Variants in ASTN2 observed in about 807,000 individuals in gnomAD.
ASTN2 encodes the protein astrotactin-2.
A neutral mutation model predicts 139.8 loss-of-function variants in ASTN2; 54 were observed. The observed-to-expected ratio is 0.39, with a 90% CI of 0.31 to 0.48. The LOEUF (loss-of-function observed/expected upper bound fraction) is 0.48. ASTN2 is among the 20% of genes least tolerant of loss of function. The probability of loss-of-function intolerance (pLI) is 0.95; values close to 1 mark genes in which losing one functional copy is unlikely to be tolerated. For missense variants in ASTN2, 1,565 were observed against 1,725.1 expected, an observed-to-expected ratio of 0.91 and a Z score of 1.64; for synonymous variants, 756 against 719.5, an observed-to-expected ratio of 1.05 and a Z score of -0.81.
intron 4 of ASTN2, among the ~76,000 whole-genome samples, chr9:117,109,250 C>G (rs1227643177): frequency 6.6e-6 from 1 of 151,792 alleles, no homozygotes; most frequent in Non-Finnish European, 1.5e-5. Context: ...CCACTGCACT[C>G]CAGCCTGGGC....
intron 16 of ASTN2, among the ~76,000 whole-genome samples, chr9:116,716,033 AG>A (rs1828304933): frequency 6.6e-6 from 1 of 152,164 alleles, no homozygotes; most frequent in Non-Finnish European, 1.5e-5. Flanking sequence ...AGATAGCAAA[AG>A]CTCCACATTC....
At chr9:116,610,811 A>G (rs1286040458) in intron 19 of ASTN2, 1 of 152,168 alleles carries the variant, frequency 6.6e-6, no homozygotes, top group Non-Finnish European at 1.5e-5. Flanking sequence ...TTCAAAATAT[A>G]TAAAATAAAA....
At chr9:117,016,375 A>G (rs1837674852) in intron 6 of ASTN2, among the ~76,000 whole-genome samples, 1 of 151,822 alleles carries the variant, frequency 6.6e-6, no homozygotes, top group Non-Finnish European at 1.5e-5. Context: ...CATAACTTCT[A>G]AGAGCTCAGA....
chr9:116,888,081 T>C (rs1833664077), intron 10 of ASTN2, among the ~76,000 whole-genome samples: 2 of 152,178 alleles, frequency 1.3e-5, no homozygotes, highest in African/African-American at 4.8e-5. Flanking sequence ...TTATATAAAG[T>C]GTCTGACCCT....
rs1564340381 is a variant in ASTN2, at chr9:116,918,654, C to T, written c.1890-54921G>A. Among the ~76,000 whole-genome samples, 12 of 152,194 alleles carry T rather than the reference C, an allele frequency of 7.9e-5. No homozygotes were observed. The South Asian group carries it at 2.5e-3, about 31-fold the overall frequency. ...TGTTTCCCTCCTTTCCACTGTTTGC[C>T]TTGCTAGTGTCCCTCTGGCATCTCC... On this transcript the variant is annotated intron_variant, in intron 10 of 22. Transcript: ENST00000313400.
rs2132732931 is a variant in ASTN2 at position 117,085,724 on chromosome 9, C to T, written c.1276+10320G>A. ...CCTTTCCCCAACATCTCAGGGGTTA[C>T]AGAGCTGATACCAGGAAGTTCTCAG... On this transcript the variant is annotated intron_variant, in intron 5 of 22. Coordinates refer to ENST00000313400, the MANE Select transcript of ASTN2 (RefSeq NM_001365068.1). Among the ~76,000 whole-genome samples, 3 of 152,254 alleles carry T rather than the reference C, an allele frequency of 2.0e-5. No homozygotes were observed. The South Asian group carries it at 6.2e-4, about 32-fold the overall frequency.
intron 10 of ASTN2, among the ~76,000 whole-genome samples, chr9:116,935,145 GA>G (rs1297145635): frequency 2.8e-4 from 42 of 152,286 alleles, no homozygotes; most frequent in African/African-American, 1.0e-3. Context: ...TGTGCTGGTT[GA>G]ACATACACTT....
At chr9:116,544,721 G>A (rs752941217) in intron 19 of ASTN2, among the ~76,000 whole-genome samples, 9 of 152,110 alleles carry the variant, frequency 5.9e-5, no homozygotes, top group Non-Finnish European at 1.3e-4. Context: ...TTTGGATTAG[G>A]CGCTAGGGGC....
intron 18 of ASTN2, among the ~76,000 whole-genome samples, chr9:116,618,764 T>A (rs1855980038): frequency 6.6e-6 from 1 of 152,202 alleles, no homozygotes. Context: ...GTTTTCCATA[T>A]ATTTATACTA....
chr9:117,269,425 GC>G (rs1316878372), intron 2 of ASTN2, among the ~76,000 whole-genome samples: 10 of 152,120 alleles, frequency 6.6e-5, no homozygotes, highest in Admixed American at 5.9e-4. Context: ...CTCTATTTCT[GC>G]GCTTGAAGGG....
chr9:116,915,275 G>A (rs11788987), intron 10 of ASTN2, among the ~76,000 whole-genome samples: 15,396 of 152,176 alleles, frequency 0.1, 1,658 homozygotes, highest in African/African-American at 0.27. Flanking sequence ...AAACTTCTTG[G>A]GAAGAGGCTT....
intron 2 of ASTN2, among the ~76,000 whole-genome samples, chr9:117,261,376 G>A (rs150507838): frequency 1.3e-5 from 2 of 152,310 alleles, no homozygotes; most frequent in East Asian, 1.9e-4. Flanking sequence ...TTTAGGTGTT[G>A]CATAGGCAGC....
intron 3 of ASTN2, among the ~76,000 whole-genome samples, chr9:117,210,872 C>T (rs1832099189): frequency 6.6e-6 from 1 of 151,598 alleles, no homozygotes; most frequent in Non-Finnish European, 1.5e-5. Context: ...TGGTATTTAT[C>T]CCAGGTATGC....
At chr9:116,573,069 TC>T (rs1456441420) in intron 19 of ASTN2, among the ~76,000 whole-genome samples, 6 of 151,664 alleles carry the variant, frequency 4.0e-5, no homozygotes, top group African/African-American at 1.5e-4. Flanking sequence ...AGGCAGAACA[TC>T]CAACAGCCTG....
chr9:116,740,816 A>G (rs1016792920), intron 13 of ASTN2, among the ~76,000 whole-genome samples: 5 of 151,280 alleles, frequency 3.3e-5, no homozygotes, highest in Non-Finnish European at 7.4e-5. Flanking sequence ...GCCCGGCGGT[A>G]AAGTTATTTT....
At chr9:116,839,453 A>C (rs1477513743) in intron 11 of ASTN2, among the ~76,000 whole-genome samples, 2 of 151,954 alleles carry the variant, frequency 1.3e-5, no homozygotes, top group Non-Finnish European at 2.9e-5. Flanking sequence ...GTGATCCAAT[A>C]TTTAAGTTTC....
chr9:117,060,368 A>G (rs1162348649), intron 5 of ASTN2, among the ~76,000 whole-genome samples: 11 of 69,844 alleles, frequency 1.6e-4, no homozygotes, highest in African/African-American at 2.4e-4. Flanking sequence ...GAAAGAAAGA[A>G]AGAAAGAAAG....
intron 1 of ASTN2, among the ~76,000 whole-genome samples, chr9:117,302,963 C>T (rs1485064834): frequency 6.6e-6 from 1 of 152,136 alleles, no homozygotes; most frequent in African/African-American, 2.4e-5. Context: ...TTGTTCAGAC[C>T]ATGTCACCTG....
At chr9:116,627,008 G>T (rs1172002466) in intron 17 of ASTN2, among the ~76,000 whole-genome samples, 1 of 152,172 alleles carries the variant, frequency 6.6e-6, no homozygotes, top group African/African-American at 2.4e-5. Context: ...TAGGGCACAG[G>T]GGCTGGAGGC....
Sources: gnomAD v4.1 joint callset for allele counts (sites outside exome capture counted in the v4.1 genomes callset) on GRCh38, gnomAD v4.1.1 for gene constraint, MANE v1.5 for transcripts, NCBI Gene and HGNC (gene_info 2026-07-23, HGNC 2026-07-21) for gene names.